The following SLC6A6 variants were observed in gnomAD, a reference collection of about 807,000 sequenced individuals.
SLC6A6 encodes the protein sodium- and chloride-dependent taurine transporter.
A neutral mutation model predicts 68.8 loss-of-function variants in SLC6A6; 16 were observed. The ratio of observed to expected loss-of-function variants is 0.23; its 90% confidence interval spans 0.16 to 0.35. The LOEUF is 0.35. Ranked by LOEUF, SLC6A6 falls within the 10% of genes least tolerant of loss-of-function variation. The pLI, the probability that SLC6A6 is intolerant of heterozygous loss-of-function variation, is 1.00. For synonymous variants in SLC6A6, 312 were observed against 315.4 expected (o/e 0.99, Z 0.12); for missense variants, 474 against 802.8 (o/e 0.59, Z 4.95).
Position 14,477,409 on chromosome 3 carries a change from G to C in SLC6A6, c.1347+67G>C. 1.3e-6 allele frequency: 2 copies of C among 1,531,858 alleles called. No homozygotes were observed. The highest frequency in any genetic ancestry group is 2.3e-5 in the East Asian group (1 of 44,222). The allele number at this position is 1,531,858 out of a possible 1,614,324, so 94.9% of individuals were successfully genotyped here. On this transcript the variant is annotated intron_variant, in intron 11 of 14. Coordinates refer to ENST00000622186, the MANE Select transcript of SLC6A6 (RefSeq NM_003043.6). This position sits in a 1 kb window ranked among gnomAD's most constrained non-coding sequence, Gnocchi z 4.2. ...GTGCCCTCCTCAAGGCCATAGTGGAGGCAGCAGCTGGGTGAGAGGGCCAGG... is the reference window on the plus strand; with the variant it reads ...GTGCCCTCCTCAAGGCCATAGTGGACGCAGCAGCTGGGTGAGAGGGCCAGG...
intron 2 of SLC6A6, among the ~76,000 whole-genome samples, chr3:14,437,942 C>T (rs892565201): frequency 5.3e-5 from 8 of 151,526 alleles, no homozygotes; most frequent in South Asian, 2.1e-4. Flanking sequence ...ATTCTTCTGC[C>T]GTAGCTTCTT....
chr3:14,419,584 C>G (rs2124909453), intron 2 of SLC6A6, among the ~76,000 whole-genome samples: 1 of 152,276 alleles, frequency 6.6e-6, no homozygotes, highest in East Asian at 1.9e-4. Flanking sequence ...CTGGAGGAGT[C>G]ACAGAACTAC....
chr3:14,436,948 G>T (rs1225146017), intron 2 of SLC6A6, among the ~76,000 whole-genome samples: 1 of 152,128 alleles, frequency 6.6e-6, no homozygotes, highest in Non-Finnish European at 1.5e-5. Context: ...GCTCCTTAAA[G>T]ACACCAGACC....
At chr3:14,484,725 A>G (rs987280598) in intron 14 of SLC6A6, 142 bp from the exon 15 acceptor site, 1 of 782,554 alleles carries the variant, frequency 1.3e-6, no homozygotes, top group South Asian at 1.8e-5. Context: ...CAAAAAGGAC[A>G]AAAACAGGAG....
At position 14,477,154 on chromosome 3, in the gene SLC6A6, G is replaced by GGGT. The variant is rs766187396; in HGVS notation, c.1210-48_1210-46dup. 2 of 1,581,480 alleles carry GGGT rather than the reference G, an allele frequency of 1.3e-6. No individual in the cohort carries two copies. The highest frequency in any genetic ancestry group is 1.7e-6 in the Non-Finnish European group (2 of 1,156,442). ...GCCCTTCCCTCCGAGCAGCAGGCAA[G>GGGT]GGTGGCCTGAGCGTCAGCCGCTCAC... On this transcript the variant is annotated intron_variant, in intron 10 of 14. Transcript: ENST00000622186. This position sits in a 1 kb window ranked among gnomAD's most constrained non-coding sequence, Gnocchi z 4.2.
intron 2 of SLC6A6, among the ~76,000 whole-genome samples, chr3:14,437,662 T>G (rs1435054371): frequency 6.6e-6 from 1 of 152,120 alleles, no homozygotes; most frequent in Non-Finnish European, 1.5e-5. Context: ...GTATACAATA[T>G]GTTATTAATT....
At chr3:14,482,226 C>T (rs577277547) in intron 14 of SLC6A6, among the ~76,000 whole-genome samples, 1 of 152,264 alleles carries the variant, frequency 6.6e-6, no homozygotes, top group East Asian at 1.9e-4. Context: ...GGGCCATGTT[C>T]CTGAAGCGGT....
At chr3:14,416,868 G>A (rs985362367) in intron 2 of SLC6A6, among the ~76,000 whole-genome samples, 2 of 152,234 alleles carry the variant, frequency 1.3e-5, no homozygotes, top group South Asian at 2.1e-4. Flanking sequence ...TTTTGAGACA[G>A]GGTCACACTC....
At position 14,447,601 on chromosome 3, in the gene SLC6A6, T is replaced by C; in HGVS notation, c.384T>C (p.Val128=). ...PLFSGIGYAS[V]VIVSLLNVYY... The stretch of plus-strand genomic sequence containing the variant: ...CTGCAGGTATCGGCTATGCCTCCGT[T>C]GTAATTGTGTCCCTCCTGAATGTCT... The change falls in exon 5 of 15, where the codon GTT becomes GTC. Residue 128 remains valine, a synonymous_variant. Transcript: ENST00000622186. The C allele has an allele frequency of 6.2e-7, 1 of 1,614,254 alleles. No homozygotes were observed. The highest frequency in any genetic ancestry group is 8.5e-7 in the Non-Finnish European group (1 of 1,180,028).
intron 13 of SLC6A6, among the ~76,000 whole-genome samples, chr3:14,480,829 A>C (rs944747914): frequency 6.6e-6 from 1 of 152,224 alleles, no homozygotes. Flanking sequence ...TCACAGGGAA[A>C]GGTGGGCTTT....
chr3:14,435,425 G>A (rs986472224), intron 2 of SLC6A6, among the ~76,000 whole-genome samples: 3 of 152,224 alleles, frequency 2.0e-5, no homozygotes, highest in African/African-American at 4.8e-5. Flanking sequence ...GACCTCACCC[G>A]AGGATGCTGA....
At chr3:14,479,011 C>A (rs1368857592) in intron 12 of SLC6A6, 74 bp from the exon 13 acceptor site, 26 of 901,830 alleles carry the variant, frequency 2.9e-5, no homozygotes, top group Non-Finnish European at 2.4e-5. Flanking sequence ...GTCCCAGAGA[C>A]CCCACTCATG....
At position 14,477,880 on chromosome 3, in the gene SLC6A6, A is replaced by C. The variant is rs1370703986; in HGVS notation, c.1347+538A>C. Among the ~76,000 whole-genome samples, 3 of 152,178 alleles carry C rather than the reference A, an allele frequency of 2.0e-5. No homozygotes were observed. The highest frequency in any genetic ancestry group is 2.9e-5 in the Non-Finnish European group (2 of 68,014). On this transcript the variant is annotated intron_variant, in intron 11 of 14. Coordinates refer to ENST00000622186, the MANE Select transcript of SLC6A6 (RefSeq NM_003043.6). The surrounding 1 kb of genome is among the most constrained non-coding windows in gnomAD (Gnocchi z 4.2). ...GATGCAGACAAGGGAAGCAAAGAGCAGAAGGGAACGGGAACGTCTAAGACG... is the reference window on the plus strand; with the variant it reads ...GATGCAGACAAGGGAAGCAAAGAGCCGAAGGGAACGGGAACGTCTAAGACG...
In SLC6A6 at chr3:14,438,043, C is replaced by T. The variant is rs563843961; in HGVS notation, c.-11-5581C>T. On this transcript the variant is annotated intron_variant, in intron 2 of 14. Transcript: ENST00000622186. ...TATTTTTAGTAGAGATGGGGTTTTA[C>T]CATGTTGGCCAGGCTGGTCTTGAAC... Among the ~76,000 whole-genome samples, 3 of 138,714 alleles carry T rather than the reference C, an allele frequency of 2.2e-5. No individual in the cohort carries two copies. The South Asian group carries it at 6.7e-4, about 31-fold the overall frequency. 91.0% of individuals were successfully genotyped at this position (138,714 alleles called of 152,430 possible).
chr3:14,475,800 G>A (rs1391260748), intron 10 of SLC6A6, among the ~76,000 whole-genome samples: 3 of 152,192 alleles, frequency 2.0e-5, no homozygotes, highest in Admixed American at 2.0e-4. Context: ...CAAAACCCCT[G>A]CGGCAGACAC....
At chr3:14,428,970 C>T (rs991571439) in intron 2 of SLC6A6, among the ~76,000 whole-genome samples, 8 of 152,186 alleles carry the variant, frequency 5.3e-5, no homozygotes, top group African/African-American at 1.9e-4. Flanking sequence ...CTGCCTGGGG[C>T]CTGCTCAGCT....
At chr3:14,463,624 G>A (rs546308129) in intron 6 of SLC6A6, among the ~76,000 whole-genome samples, 50 of 152,328 alleles carry the variant, frequency 3.3e-4, no homozygotes, top group South Asian at 8.3e-4. Context: ...CTGGCCGCCT[G>A]TCCGCCTGTC....
chr3:14,418,073 A>G (rs1328657422), intron 2 of SLC6A6, among the ~76,000 whole-genome samples: 1 of 152,198 alleles, frequency 6.6e-6, no homozygotes, highest in Non-Finnish European at 1.5e-5. Flanking sequence ...GTCAAACTCA[A>G]ACCCTGAAAT....
At chr3:14,422,886 G>A (rs1699514917) in intron 2 of SLC6A6, among the ~76,000 whole-genome samples, 1 of 152,196 alleles carries the variant, frequency 6.6e-6, no homozygotes, top group African/African-American at 2.4e-5. Flanking sequence ...GCTTCTGCTA[G>A]TCTCACAGCC....
Sources: gnomAD v4.1 joint callset for allele counts (sites outside exome capture counted in the v4.1 genomes callset) on GRCh38, gnomAD v4.1.1 for gene constraint, Gnocchi (gnomAD v3.1) non-coding constraint, MANE v1.5 for transcripts, NCBI Gene and HGNC (gene_info 2026-07-23, HGNC 2026-07-21) for gene names.